SPATA22: variants seen among roughly 807,000 people sequenced by gnomAD.
The protein encoded by SPATA22 is spermatogenesis associated 22, also known as spermatogenesis-associated protein 22.
Under a neutral mutation model 47.8 loss-of-function variants are expected in SPATA22, and 29 were observed. The observed-to-expected ratio is 0.61, with a 90% CI of 0.45 to 0.83. The LOEUF is 0.83. SPATA22 is among the 40% of genes least tolerant of loss of function. The pLI, the probability that SPATA22 is intolerant of heterozygous loss-of-function variation, is 0.00. For synonymous variants in SPATA22, 133 were observed against 140.9 expected (o/e 0.94, Z 0.40); for missense variants, 410 against 421.7 (o/e 0.97, Z 0.24).
intron 1 of SPATA22, 72 bp downstream of exon 1, chr17:3,471,610 C>T (rs1010703629): frequency 2.0e-6 from 2 of 985,372 alleles, no homozygotes; most frequent in Admixed American, 6.2e-5. Context: ...GGCTCCAGTC[C>T]GAGTTGAGAC....
At chr17:3,461,173 G>A (rs999106935) in intron 5 of SPATA22, among the ~76,000 whole-genome samples, 1 of 152,070 alleles carries the variant, frequency 6.6e-6, no homozygotes, top group African/African-American at 2.4e-5. Context: ...CCCAAATATT[G>A]GCTGTGACAC....
intron 1 of SPATA22, among the ~76,000 whole-genome samples, chr17:3,486,604 T>C (rs1168377352): frequency 2.0e-5 from 3 of 152,312 alleles, no homozygotes; most frequent in East Asian, 3.9e-4. Flanking sequence ...GTCCATTCTC[T>C]TTCTTGAGCG....
At chr17:3,445,142 A>G (rs1378211687) in intron 7 of SPATA22, among the ~76,000 whole-genome samples, 2 of 152,230 alleles carry the variant, frequency 1.3e-5, no homozygotes, top group African/African-American at 4.8e-5. Context: ...TTCACACAGG[A>G]AAAAGCAATT....
intron 5 of SPATA22, among the ~76,000 whole-genome samples, chr17:3,453,955 T>A (rs1330151602): frequency 6.6e-6 from 1 of 152,144 alleles, no homozygotes; most frequent in Non-Finnish European, 1.5e-5. Context: ...GCAGATGACA[T>A]GATCTTGTAT....
At chr17:3,463,660 TA>T (rs150648149) in intron 3 of SPATA22, among the ~76,000 whole-genome samples, 15 of 150,812 alleles carry the variant, frequency 9.9e-5, no homozygotes, top group African/African-American at 3.2e-4. Context: ...GCTACATTTA[TA>T]AAAAAAAATA....
At chr17:3,498,081 G>GCTTCTCT (rs1378331985) in intron 1 of SPATA22, among the ~76,000 whole-genome samples, 1 of 152,096 alleles carries the variant, frequency 6.6e-6, no homozygotes, top group East Asian at 1.9e-4. Flanking sequence ...CCCCAGCCCA[G>GCTTCTCT]CACCACCTTC....
At chr17:3,509,862 C>A (rs1179647883) in intron 1 of SPATA22, among the ~76,000 whole-genome samples, 4 of 152,098 alleles carry the variant, frequency 2.6e-5, no homozygotes, top group Non-Finnish European at 5.9e-5. Flanking sequence ...GCCATTCTGA[C>A]TGGCGTGAGA....
rs34414986 is a variant in SPATA22 at position 3,449,161 on chromosome 17, C to CAAAAAA, written c.330-18_330-13dup. ...TACCATCTCTGTAGCTGTAATAGTG[C>CAAAAAA]AAAAAAAAAGCATTTGTTTCTATAT... On this transcript the variant is annotated splice_polypyrimidine_tract_variant and intron_variant, in intron 5 of 8. Transcript: ENST00000572969. 1 of 1,397,296 alleles carries CAAAAAA rather than the reference C, an allele frequency of 7.2e-7. No individual in the cohort carries two copies. Among genetic ancestry groups the CAAAAAA allele is most frequent in the African/African-American group, 1.5e-5 (1 of 67,500 alleles). The allele number at this position is 1,397,296 out of a possible 1,614,324, so 86.6% of individuals were successfully genotyped here.
intron 2 of SPATA22, among the ~76,000 whole-genome samples, 162 bp downstream of exon 2, chr17:3,469,121 G>A (rs932150966): frequency 1.3e-5 from 2 of 152,122 alleles, no homozygotes; most frequent in African/African-American, 2.4e-5. Context: ...ACCACTAAAT[G>A]TTTTGTCTTG....
At chr17:3,463,568 T>C (rs2073180094) in intron 3 of SPATA22, among the ~76,000 whole-genome samples, 1 of 152,192 alleles carries the variant, frequency 6.6e-6, no homozygotes. Context: ...TTGGGTGAGT[T>C]AGTGATTAAG....
intron 3 of SPATA22, among the ~76,000 whole-genome samples, chr17:3,466,118 T>G (rs2073308759): frequency 6.6e-6 from 1 of 151,380 alleles, no homozygotes; most frequent in South Asian, 2.1e-4. Context: ...TTTTATATAT[T>G]TTGTTTTCTT....
chr17:3,476,008 C>T (rs886052821), upstream of SPATA22: 68 of 714,124 alleles, frequency 9.5e-5, no homozygotes, highest in East Asian at 1.7e-3. Flanking sequence ...GAACTTGTAA[C>T]AGAAAATTAA....
intron 1 of SPATA22, chr17:3,481,897 G>A: frequency 2.5e-6 from 3 of 1,185,596 alleles, no homozygotes; most frequent in Non-Finnish European, 3.6e-6. Context: ...GAGGGAAGGT[G>A]CAAGAGAAAT....
At chr17:3,486,378 G>A (rs549899577) in intron 1 of SPATA22, among the ~76,000 whole-genome samples, 92 of 152,316 alleles carry the variant, frequency 6.0e-4, no homozygotes, top group Middle Eastern at 6.8e-3. Context: ...TCTTGCTCAT[G>A]AGACTTGCAG....
chr17:3,509,578 G>A (rs2074085172), intron 1 of SPATA22, among the ~76,000 whole-genome samples: 2 of 152,154 alleles, frequency 1.3e-5, no homozygotes, highest in African/African-American at 4.8e-5. Context: ...ATGGGCATTT[G>A]GGTTGGTTCC....
rs2073381516 is a variant in SPATA22, at chr17:3,469,495, A to C, written c.-73-97T>G. On this transcript the variant is annotated intron_variant, in intron 1 of 8. Transcript: ENST00000572969. ...AAATTATGGTTGTAAACTACTTTCAAACCTGATCACGTAAACACTTTAGGG... is the reference window on the plus strand; with the variant it reads ...AAATTATGGTTGTAAACTACTTTCACACCTGATCACGTAAACACTTTAGGG... 7.2e-6 allele frequency: 4 copies of C among 558,956 alleles called. No homozygotes were observed. In the East Asian group the frequency reaches 1.2e-4, roughly 16 times the overall value. 34.6% of individuals were successfully genotyped at this position (558,956 alleles called of 1,614,324 possible).
At chr17:3,482,779 T>C (rs12951099) in intron 1 of SPATA22, among the ~76,000 whole-genome samples, 2 of 149,504 alleles carry the variant, frequency 1.3e-5, no homozygotes, top group African/African-American at 4.9e-5. Flanking sequence ...TTTTTTTTTT[T>C]AATTTTTTTT....
upstream of SPATA22, among the ~76,000 whole-genome samples, chr17:3,472,788 C>T (rs891342149): frequency 6.6e-6 from 1 of 152,160 alleles, no homozygotes; most frequent in Non-Finnish European, 1.5e-5. Context: ...AGACCACAGA[C>T]ATTTTAGTAG....
intron 1 of SPATA22, among the ~76,000 whole-genome samples, chr17:3,495,161 A>G (rs1047742364): frequency 1.3e-5 from 2 of 152,222 alleles, no homozygotes; most frequent in African/African-American, 2.4e-5. Context: ...AAAGGAGAGA[A>G]GAACAGATTT....
Sources: allele counts gnomAD v4.1 joint callset (sites outside exome capture counted in the v4.1 genomes callset), GRCh38; gene constraint gnomAD v4.1.1; transcripts MANE v1.5; gene names NCBI Gene and HGNC (gene_info 2026-07-23, HGNC 2026-07-21).